FAN1: variants seen among roughly 807,000 people sequenced by gnomAD.
FAN1 encodes FANCD2 and FANCI associated nuclease 1.
Under a neutral mutation model 104.9 loss-of-function variants are expected in FAN1, and 91 were observed. The observed-to-expected ratio is 0.87, with a 90% CI of 0.73 to 1.03. The LOEUF (loss-of-function observed/expected upper bound fraction) is 1.03. FAN1 is among the 50% of genes least tolerant of loss of function. The probability of loss-of-function intolerance (pLI) is 0.00; values close to 1 mark genes in which losing one functional copy is unlikely to be tolerated. For missense variants in FAN1, 1,263 were observed against 1,239.9 expected, an observed-to-expected ratio of 1.02 and a Z score of -0.28; for synonymous variants, 478 against 457.6, an observed-to-expected ratio of 1.04 and a Z score of -0.57.
At chr15:30,912,183 A>G (rs1157023320) in intron 4 of FAN1, among the ~76,000 whole-genome samples, 1 of 152,220 alleles carries the variant, frequency 6.6e-6, no homozygotes, top group Non-Finnish European at 1.5e-5. Flanking sequence ...TAGAATCCTC[A>G]AGGCTGTTTT....
At position 30,905,512 on chromosome 15, in the gene FAN1, T is replaced by C; in HGVS notation, c.849T>C (p.Leu283=). 1 of 1,614,148 alleles carries C rather than the reference T, an allele frequency of 6.2e-7. No homozygotes were observed. Among genetic ancestry groups the C allele is most frequent in the East Asian group, 2.2e-5 (1 of 44,886 alleles). ...TAAAGTCTACTTCAGAAGACAGTCT[T>C]GTAAAGCAAGAGTGTATCAAAGAAG... is the stretch of plus-strand genomic sequence containing the variant. ...NTLKSTSEDS[L]VKQECIKEVV... Residue 283 remains leucine (L), a synonymous_variant, in exon 2 of 15, where the codon CTT becomes CTC. Coordinates refer to ENST00000362065, the MANE Select transcript of FAN1 (RefSeq NM_014967.5).
Position 30,925,915 on chromosome 15 carries a change from T to G in FAN1, c.2464T>G (p.Tyr822Asp). 2 of 1,614,216 alleles carry G rather than the reference T, an allele frequency of 1.2e-6. No homozygotes were observed. Among genetic ancestry groups the G allele is most frequent in the Non-Finnish European group, 1.7e-6 (2 of 1,180,036 alleles). The change falls in exon 10 of 15, where the codon TAC (tyrosine) becomes GAC (aspartate). Residue 822 changes from tyrosine (Y) to aspartate (D), a missense_variant. By Grantham distance (160) the Tyr-to-Asp change is radical. Coordinates refer to ENST00000362065, the MANE Select transcript of FAN1 (RefSeq NM_014967.5). ...CSVEELALAH[Y>D]RRSGFDQGIH... ...TGTGGAGGAGCTGGCACTGGCCCAT[T>G]ACAGACGCAGCGGTTTTGACCAGGG... is the stretch of plus-strand genomic sequence containing the variant.
At chr15:30,928,882 A>G in intron 11 of FAN1, 1 of 748,660 alleles carries the variant, frequency 1.3e-6, no homozygotes, top group Non-Finnish European at 1.6e-6. Flanking sequence ...TTACATTTAG[A>G]CCTTTCGTAT....
intron 6 of FAN1, among the ~76,000 whole-genome samples, chr15:30,919,620 C>T (rs1187422147): frequency 6.9e-6 from 1 of 144,732 alleles, no homozygotes; most frequent in South Asian, 2.1e-4. Flanking sequence ...ACCTGGGAGA[C>T]AGAGGTTGTA....
chr15:30,912,673 T>C (rs2062123656), intron 4 of FAN1, among the ~76,000 whole-genome samples: 1 of 152,190 alleles, frequency 6.6e-6, no homozygotes, highest in African/African-American at 2.4e-5. Context: ...GTGTGACATC[T>C]TTCACTAGCC....
At position 30,939,961 on chromosome 15, in the gene FAN1, T is replaced by C. The variant is rs2062982972; in HGVS notation, c.*4-1605T>C. 3 of 983,284 alleles carry C rather than the reference T, an allele frequency of 3.1e-6. No homozygotes were observed. The African/African-American group carries it at 5.2e-5, about 17-fold the overall frequency. The allele number at this position is 983,284 out of a possible 1,614,324, so 60.9% of individuals were successfully genotyped here. A position where few individuals can be genotyped will look rare whatever the true frequency, so the allele number is the denominator to read the frequency against. Reference sequence around the variant, plus strand: ...TTTTTTAAGAACTCCTGTCCTGTTATATCCAGAGACATTATCAAATTTTAA... The same window carrying C: ...TTTTTTAAGAACTCCTGTCCTGTTACATCCAGAGACATTATCAAATTTTAA... On this transcript the variant is annotated intron_variant, in intron 14 of 14. Coordinates refer to ENST00000362065, the MANE Select transcript of FAN1 (RefSeq NM_014967.5).
At chr15:30,935,329 AAG>A (rs968240637) in intron 13 of FAN1, among the ~76,000 whole-genome samples, 2 of 152,076 alleles carry the variant, frequency 1.3e-5, no homozygotes, top group East Asian at 1.9e-4. Flanking sequence ...AAAAAAGAAA[AAG>A]AAAAAATTTC....
chr15:30,929,019 C>A (rs2062544575), intron 11 of FAN1, among the ~76,000 whole-genome samples, 184 bp from the exon 12 acceptor site: 1 of 152,172 alleles, frequency 6.6e-6, no homozygotes, highest in Non-Finnish European at 1.5e-5. Context: ...GCTGTTTTTG[C>A]AAATTATTAC....
intron 4 of FAN1, among the ~76,000 whole-genome samples, chr15:30,912,133 A>C (rs892265096): frequency 7.2e-5 from 11 of 152,072 alleles, no homozygotes; most frequent in Admixed American, 7.2e-4. Flanking sequence ...AGTAAATAAG[A>C]TGAACATATT....
rs2062430565 is a variant in FAN1, at chr15:30,925,233, A to G, written c.2279A>G (p.Lys760Arg). 1 of 1,614,146 alleles carries G rather than the reference A, an allele frequency of 6.2e-7. No homozygotes were observed. The highest frequency in any genetic ancestry group is 1.1e-5 in the South Asian group (1 of 91,072). ...CGCCTGCGAGAGTCTCCGAGCTGTA[A>G]AAAGTTCAAGCACCTCTTCCAGCAG... ...AVRLRESPSC[K>R]KFKHLFQQLP... is the part of the protein sequence containing the mutation. Residue 760 changes from lysine (K) to arginine (R), a missense_variant, in exon 9 of 15, where the codon AAA (lysine) becomes AGA (arginine). Lys to Arg is a conservative substitution (Grantham distance 26). Coordinates refer to ENST00000362065, the MANE Select transcript of FAN1 (RefSeq NM_014967.5).
intron 14 of FAN1, among the ~76,000 whole-genome samples, chr15:30,937,970 G>C (rs933806918): frequency 3.3e-5 from 5 of 151,560 alleles, no homozygotes; most frequent in African/African-American, 1.2e-4. Flanking sequence ...CGCATCATGA[G>C]GTCAAGAGAT....
At position 30,940,461 on chromosome 15, in the gene FAN1, C is replaced by A. The variant is rs1056496752; in HGVS notation, c.*4-1105C>A. The stretch of plus-strand genomic sequence containing the variant: ...ATTAGGAACTATGAGAGAAGGACAT[C>A]TGTGCAGGTGCCCAACTCGTAACCT... On this transcript the variant is annotated intron_variant, in intron 14 of 14. Transcript: ENST00000362065. The A allele has an allele frequency of 2.3e-5, 23 of 985,352 alleles. No individual in the cohort carries two copies. In the African/African-American group the frequency reaches 3.7e-4, roughly 16 times the overall value. The allele number at this position is 985,352 out of a possible 1,614,324, so 61.0% of individuals were successfully genotyped here. A position where few individuals can be genotyped will look rare whatever the true frequency, so the allele number is the denominator to read the frequency against.
chr15:30,917,315 C>T (rs2959039), intron 5 of FAN1, among the ~76,000 whole-genome samples: 64,243 of 151,762 alleles, frequency 0.42, 14,688 homozygotes, highest in East Asian at 0.85. Context: ...ATTGGACTTG[C>T]GGTCAGGAGC....
At chr15:30,916,073 G>T (rs2062192526) in intron 5 of FAN1, among the ~76,000 whole-genome samples, 1 of 152,162 alleles carries the variant, frequency 6.6e-6, no homozygotes, top group South Asian at 2.1e-4. Flanking sequence ...CTGTCAGGAA[G>T]CTCAGTATCT....
intron 14 of FAN1, chr15:30,939,109 T>TA: frequency 3.3e-5 from 33 of 985,458 alleles, no homozygotes; most frequent in Non-Finnish European, 4.0e-5. Context: ...CACTTGAGGT[T>TA]ACTACTGCAG....
intron 6 of FAN1, among the ~76,000 whole-genome samples, chr15:30,919,643 C>T (rs573625196): frequency 2.0e-5 from 3 of 149,134 alleles, no homozygotes; most frequent in East Asian, 2.0e-4. Context: ...GAGCTGAGAT[C>T]GCACCACTGT....
chr15:30,905,918 T>C, intron 2 of FAN1, 21 bp downstream of exon 2: 1 of 1,590,294 alleles, frequency 6.3e-7, no homozygotes, highest in Non-Finnish European at 8.6e-7. Context: ...CACGTGTTTG[T>C]TTTCAAGTTT....
intron 7 of FAN1, among the ~76,000 whole-genome samples, chr15:30,920,888 A>T (rs1030573729): frequency 6.6e-6 from 1 of 152,200 alleles, no homozygotes; most frequent in African/African-American, 2.4e-5. Context: ...GGCTCAAGTC[A>T]TCCTCTCACC....
chr15:30,939,042 C>G, intron 14 of FAN1: 1 of 985,388 alleles, frequency 1.0e-6, no homozygotes, highest in Non-Finnish European at 1.2e-6. Context: ...CACTTGAACT[C>G]AAGTCATCAA....
Sources: gnomAD v4.1 joint callset for allele counts (sites outside exome capture counted in the v4.1 genomes callset) on GRCh38, gnomAD v4.1.1 for gene constraint, MANE v1.5 for transcripts, NCBI Gene and HGNC (gene_info 2026-07-23, HGNC 2026-07-21) for gene names.